The following ADAMTSL1 variants were observed in gnomAD, a reference collection of about 807,000 sequenced individuals.
ADAMTSL1 encodes ADAMTS like 1.
ADAMTSL1 carries 126 observed loss-of-function variants against 201.8 expected under a neutral mutation model. That is an observed-to-expected ratio of 0.62 (90% CI 0.54 to 0.72). The LOEUF (loss-of-function observed/expected upper bound fraction) is 0.72. ADAMTSL1 is among the 30% of genes least tolerant of loss of function. ADAMTSL1 has a pLI of 0.00. For synonymous variants in ADAMTSL1, 1,121 were observed against 903.4 expected, an observed-to-expected ratio of 1.24 and a Z score of -4.32; for missense variants, 2,679 against 2,277.8, an observed-to-expected ratio of 1.18 and a Z score of -3.59.
chr9:18,110,253 A>G (rs1306380313), intron 1 of ADAMTSL1, among the ~76,000 whole-genome samples: 2 of 152,150 alleles, frequency 1.3e-5, no homozygotes, highest in African/African-American at 4.8e-5. Flanking sequence ...AGAGTGTCTA[A>G]TTCTCAGCTC....
intron 2 of ADAMTSL1, among the ~76,000 whole-genome samples, chr9:18,336,955 T>G (rs527744549): frequency 5.9e-5 from 9 of 152,278 alleles, no homozygotes; most frequent in Admixed American, 3.9e-4. Flanking sequence ...TTTATTTTTA[T>G]TAAGTTGTCT....
intron 2 of ADAMTSL1, among the ~76,000 whole-genome samples, chr9:18,283,997 G>A (rs74584282): frequency 0.044 from 6,595 of 149,170 alleles, 293 homozygotes; most frequent in African/African-American, 0.12. Flanking sequence ...TTGGGAGGCC[G>A]AGGAGGGCAG....
At chr9:18,565,377 T>A (rs910387262) in intron 3 of ADAMTSL1, among the ~76,000 whole-genome samples, 3 of 152,168 alleles carry the variant, frequency 2.0e-5, no homozygotes, top group African/African-American at 7.2e-5. Context: ...ATTAAGATGG[T>A]TAATGACTAA....
intron 4 of ADAMTSL1, among the ~76,000 whole-genome samples, chr9:18,579,561 A>G (rs1822966546): frequency 1.3e-5 from 2 of 152,332 alleles, no homozygotes; most frequent in South Asian, 4.1e-4. Flanking sequence ...ACTTGTATTA[A>G]TTGTACCCAA....
intron 15 of ADAMTSL1, among the ~76,000 whole-genome samples, chr9:18,748,969 C>T (rs138960608): frequency 1.6e-4 from 25 of 152,282 alleles, no homozygotes; most frequent in African/African-American, 3.9e-4. Context: ...CGGCACTCTT[C>T]GGCATTCCTT....
chr9:17,930,395 C>T (rs915925729), intron 1 of ADAMTSL1, among the ~76,000 whole-genome samples: 4 of 152,104 alleles, frequency 2.6e-5, no homozygotes, highest in Admixed American at 1.3e-4. Flanking sequence ...CTTCTGCCCA[C>T]GTCTACTTTT....
intron 1 of ADAMTSL1, among the ~76,000 whole-genome samples, chr9:18,101,450 A>T (rs563176576): frequency 2.6e-4 from 39 of 151,814 alleles, no homozygotes; most frequent in African/African-American, 9.2e-4. Context: ...GTGAGCCAAG[A>T]CAGCACCACT....
intron 27 of ADAMTSL1, 96 bp downstream of exon 27, chr9:18,905,987 C>A: frequency 9.0e-7 from 1 of 1,113,958 alleles, no homozygotes; most frequent in Non-Finnish European, 1.3e-6. Context: ...TAACTTACCA[C>A]AGTCCCAAGC....
chr9:18,646,103 A>C (rs915718133), intron 7 of ADAMTSL1, among the ~76,000 whole-genome samples: 1 of 151,830 alleles, frequency 6.6e-6, no homozygotes, highest in African/African-American at 2.4e-5. Context: ...GAGGTCCTTC[A>C]CATCCCTTGT....
intron 5 of ADAMTSL1, among the ~76,000 whole-genome samples, chr9:18,626,654 C>G (rs1696266596): frequency 2.0e-5 from 3 of 152,110 alleles, no homozygotes; most frequent in Admixed American, 6.6e-5. Flanking sequence ...AGAGGAATAA[C>G]TTGATCAGAT....
intron 2 of ADAMTSL1, among the ~76,000 whole-genome samples, chr9:18,224,161 G>A (rs566609228): frequency 6.6e-6 from 1 of 152,222 alleles, no homozygotes; most frequent in African/African-American, 2.4e-5. Flanking sequence ...CCTTTGTGCT[G>A]CTTTAAGAGA....
At chr9:18,183,386 T>C (rs1222997285) in intron 2 of ADAMTSL1, among the ~76,000 whole-genome samples, 1 of 152,288 alleles carries the variant, frequency 6.6e-6, no homozygotes, top group African/African-American at 2.4e-5. Context: ...AAGACTTCAC[T>C]ATAACTAAAA....
intron 1 of ADAMTSL1, among the ~76,000 whole-genome samples, chr9:17,971,918 C>A (rs899428573): frequency 7.2e-5 from 11 of 151,808 alleles, no homozygotes; most frequent in African/African-American, 2.7e-4. Context: ...CTATATCCTT[C>A]ATATCTTTCT....
intron 1 of ADAMTSL1, among the ~76,000 whole-genome samples, chr9:17,981,229 G>A (rs1003863486): frequency 6.6e-6 from 1 of 152,200 alleles, no homozygotes; most frequent in East Asian, 1.9e-4. Context: ...CCAGTGTTGT[G>A]ATCTTGGACT....
At chr9:18,481,460 G>A (rs567386859) in intron 1 of ADAMTSL1, among the ~76,000 whole-genome samples, 1 of 151,400 alleles carries the variant, frequency 6.6e-6, no homozygotes, top group African/African-American at 2.4e-5. Context: ...AATCTCTACA[G>A]TGAAGAGCTT....
intron 2 of ADAMTSL1, among the ~76,000 whole-genome samples, chr9:18,274,690 T>C (rs1423076638): frequency 6.6e-6 from 1 of 152,162 alleles, no homozygotes; most frequent in Non-Finnish European, 1.5e-5. Flanking sequence ...TTTCAACCAC[T>C]TTTTCTAGCA....
At chr9:18,169,131 G>T (rs10810917) in intron 2 of ADAMTSL1, among the ~76,000 whole-genome samples, 138,567 of 141,638 alleles carry the variant, frequency 0.98, 67,853 homozygotes, top group Middle Eastern at 1. Flanking sequence ...TTAGTTTAAT[G>T]AGATCCCATT....
At chr9:18,466,880 A>AT (rs1821027020) in intron 2 of ADAMTSL1, among the ~76,000 whole-genome samples, 1 of 151,982 alleles carries the variant, frequency 6.6e-6, no homozygotes, top group African/African-American at 2.4e-5. Context: ...GAATACTCTG[A>AT]TTTTCCGTGG....
intron 2 of ADAMTSL1, among the ~76,000 whole-genome samples, chr9:18,309,034 T>G (rs534630966): frequency 1.3e-5 from 2 of 152,080 alleles, no homozygotes; most frequent in South Asian, 4.2e-4. Context: ...GTTCCACATA[T>G]GCAAATCAAT....
Sources: allele counts gnomAD v4.1 joint callset (sites outside exome capture counted in the v4.1 genomes callset), GRCh38; gene constraint gnomAD v4.1.1; transcripts MANE v1.5; gene names NCBI Gene and HGNC (gene_info 2026-07-23, HGNC 2026-07-21).